The following DPP10 variants were observed in gnomAD, a reference collection of about 807,000 sequenced individuals.
DPP10 encodes inactive dipeptidyl peptidase 10.
DPP10 carries 33 observed loss-of-function variants against 120.9 expected under a neutral mutation model. That is an observed-to-expected ratio of 0.27 (90% CI 0.21 to 0.37). The LOEUF (loss-of-function observed/expected upper bound fraction) is 0.37. DPP10 is among the 10% of genes least tolerant of loss of function. The pLI is 1.00. For missense variants in DPP10, 816 were observed against 942.8 expected, an observed-to-expected ratio of 0.87 and a Z score of 1.76; for synonymous variants, 337 against 326.1, an observed-to-expected ratio of 1.03 and a Z score of -0.36.
chr2:114,494,001 CCTGG>C (rs1234887867), intron 1 of DPP10, among the ~76,000 whole-genome samples: 2 of 148,472 alleles, frequency 1.3e-5, no homozygotes, highest in African/African-American at 5.0e-5. Flanking sequence ...AAGAACATTG[CCTGG>C]TATTTCATAT....
chr2:114,499,916 T>A (rs987623128), intron 1 of DPP10, among the ~76,000 whole-genome samples: 1 of 152,226 alleles, frequency 6.6e-6, no homozygotes, highest in Non-Finnish European at 1.5e-5. Flanking sequence ...TTTGAACTTC[T>A]ATGGGTGATC....
chr2:115,441,281 TC>T (rs2072021513), intron 3 of DPP10, among the ~76,000 whole-genome samples: 1 of 152,182 alleles, frequency 6.6e-6, no homozygotes, highest in South Asian at 2.1e-4. Context: ...CTGTACTGAA[TC>T]CCGAGTTGGG....
chr2:114,981,876 G>T (rs540575606), intron 1 of DPP10, among the ~76,000 whole-genome samples: 1 of 151,272 alleles, frequency 6.6e-6, no homozygotes, highest in South Asian at 2.1e-4. Flanking sequence ...GGATTACAGT[G>T]GTGAGCCATT....
At chr2:115,773,901 C>T (rs1180569461) in intron 13 of DPP10, among the ~76,000 whole-genome samples, 1 of 152,006 alleles carries the variant, frequency 6.6e-6, no homozygotes, top group Non-Finnish European at 1.5e-5. Flanking sequence ...GAAAGTAAAT[C>T]TTTGCTATTA....
At chr2:115,821,786 G>A (rs555070456) in intron 21 of DPP10, among the ~76,000 whole-genome samples, 11 of 151,756 alleles carry the variant, frequency 7.2e-5, no homozygotes, top group Admixed American at 1.3e-4. Context: ...ATTCACCTAC[G>A]GATGAACATT....
chr2:115,154,980 C>T (rs2051807163), intron 1 of DPP10, among the ~76,000 whole-genome samples: 2 of 151,836 alleles, frequency 1.3e-5, no homozygotes, highest in Admixed American at 6.6e-5. Flanking sequence ...CAACCTCCGC[C>T]TCCCGGGTTC....
intron 3 of DPP10, among the ~76,000 whole-genome samples, chr2:115,398,011 A>C (rs1318238591): frequency 2.0e-5 from 3 of 152,274 alleles, no homozygotes; most frequent in East Asian, 1.9e-4. Context: ...GCCAATTTCT[A>C]ATTTGATAAT....
chr2:115,145,936 A>G (rs1047142124), intron 1 of DPP10, among the ~76,000 whole-genome samples: 3 of 152,150 alleles, frequency 2.0e-5, no homozygotes, highest in South Asian at 2.1e-4. Context: ...ACAACATGGT[A>G]TACTACCACT....
At chr2:115,463,879 CCTTTT>C (rs1263314336) in intron 3 of DPP10, among the ~76,000 whole-genome samples, 17 of 152,060 alleles carry the variant, frequency 1.1e-4, no homozygotes, top group Non-Finnish European at 4.4e-5. Flanking sequence ...AATGTGAATT[CCTTTT>C]CTTTTTTTCT....
At chr2:114,802,560 G>T (rs116604485) in intron 1 of DPP10, among the ~76,000 whole-genome samples, 4,120 of 152,262 alleles carry the variant, frequency 0.027, 84 homozygotes, top group Non-Finnish European at 0.043. Context: ...AATAACCGAG[G>T]TTGGTTTTCG....
intron 1 of DPP10, among the ~76,000 whole-genome samples, chr2:114,980,968 GT>G (rs1226004895): frequency 6.7e-6 from 1 of 150,072 alleles, no homozygotes; most frequent in Admixed American, 6.7e-5. Context: ...ATTAAATGCA[GT>G]TTTATCGAAA....
chr2:115,143,739 G>A (rs1403820495), intron 1 of DPP10, among the ~76,000 whole-genome samples: 1 of 152,062 alleles, frequency 6.6e-6, no homozygotes, highest in Non-Finnish European at 1.5e-5. Context: ...AAAGGTATGT[G>A]GCATCATGGA....
chr2:115,786,745 A>G (rs1193228363), intron 17 of DPP10, among the ~76,000 whole-genome samples: 1 of 152,230 alleles, frequency 6.6e-6, no homozygotes, highest in Non-Finnish European at 1.5e-5. Context: ...AATGATATTC[A>G]GAAAGATTGA....
At chr2:114,942,051 A>T (rs747509616) in intron 1 of DPP10, among the ~76,000 whole-genome samples, 30 of 151,790 alleles carry the variant, frequency 2.0e-4, no homozygotes, top group Non-Finnish European at 1.6e-4. Flanking sequence ...AGGCGGTCAG[A>T]TCATGAGGTC....
chr2:114,972,346 G>A (rs898138709), intron 1 of DPP10, among the ~76,000 whole-genome samples: 26 of 152,092 alleles, frequency 1.7e-4, no homozygotes, highest in African/African-American at 6.3e-4. Context: ...GAAGATCCGT[G>A]GCCTCAGTGG....
chr2:114,605,527 G>T (rs785032), intron 1 of DPP10, among the ~76,000 whole-genome samples: 2 of 151,856 alleles, frequency 1.3e-5, no homozygotes, highest in East Asian at 3.9e-4. Flanking sequence ...TACATATAAC[G>T]CACAAATATA....
chr2:115,748,843 A>G (rs1240834198), intron 10 of DPP10, among the ~76,000 whole-genome samples: 1 of 152,156 alleles, frequency 6.6e-6, no homozygotes, highest in Non-Finnish European at 1.5e-5. Flanking sequence ...TCTTCTCCTA[A>G]TTCTTACCCT....
chr2:114,907,326 CT>C (rs1439647178), intron 1 of DPP10, among the ~76,000 whole-genome samples: 1 of 151,676 alleles, frequency 6.6e-6, no homozygotes, highest in Non-Finnish European at 1.5e-5. Flanking sequence ...TTATTATTCC[CT>C]TCTTTATACT....
intron 1 of DPP10, among the ~76,000 whole-genome samples, chr2:115,000,984 G>A (rs1701402428): frequency 6.6e-6 from 1 of 152,130 alleles, no homozygotes; most frequent in Admixed American, 6.5e-5. Context: ...ATCAGATCTT[G>A]GTTCTGTGAC....
Sources: allele counts gnomAD v4.1 joint callset (sites outside exome capture counted in the v4.1 genomes callset), GRCh38; gene constraint gnomAD v4.1.1; transcripts MANE v1.5; gene names NCBI Gene and HGNC (gene_info 2026-07-23, HGNC 2026-07-21).